SMARCA5: variants seen among roughly 807,000 people sequenced by gnomAD.
SMARCA5 encodes the protein SNF2 related chromatin remodeling ATPase 5.
Under a neutral mutation model 140.4 loss-of-function variants are expected in SMARCA5, and 18 were observed. The ratio of observed to expected loss-of-function variants is 0.13; its 90% CI spans 0.09 to 0.19. The LOEUF (loss-of-function observed/expected upper bound fraction) is 0.19. Among genes scored for constraint, SMARCA5 ranks in the 10% least tolerant of loss-of-function variants. SMARCA5 has a pLI of 1.00. For missense variants in SMARCA5, 606 were observed against 1,276.8 expected (o/e 0.47, Z 8.01); for synonymous variants, 449 against 419.6 (o/e 1.07, Z -0.86).
intron 9 of SMARCA5, among the ~76,000 whole-genome samples, chr4:143,534,429 G>T (rs1431274565): frequency 6.6e-6 from 1 of 152,068 alleles, no homozygotes; most frequent in Non-Finnish European, 1.5e-5. Flanking sequence ...CCCCAAAAAA[G>T]ATAAAAATAA....
chr4:143,530,421 T>C (rs1208614793), intron 8 of SMARCA5, 37 bp from the exon 9 acceptor site: 1 of 1,369,318 alleles, frequency 7.3e-7, no homozygotes, highest in Non-Finnish European at 1.0e-6. Context: ...GTTAATATTA[T>C]CTCTGATCTG....
chr4:143,521,755 A>G (rs1424955644), intron 3 of SMARCA5, among the ~76,000 whole-genome samples, 160 bp downstream of exon 3: 7 of 152,088 alleles, frequency 4.6e-5, no homozygotes, highest in African/African-American at 1.7e-4. Flanking sequence ...ATGTATAAGT[A>G]TATAAAAATA....
At chr4:143,535,091 TTTTC>T in intron 10 of SMARCA5, 127 bp downstream of exon 10, 1 of 640,616 alleles carries the variant, frequency 1.6e-6, no homozygotes, top group Non-Finnish European at 2.6e-6. Flanking sequence ...CTGAAAAGAG[TTTTC>T]TTGTCACGTA....
chr4:143,517,531 C>A, intron 2 of SMARCA5, 102 bp downstream of exon 2: 1 of 639,398 alleles, frequency 1.6e-6, no homozygotes, highest in Non-Finnish European at 2.6e-6. Flanking sequence ...TACAACAATA[C>A]CACAGACTGG....
rs1737611650 is a variant in SMARCA5, at chr4:143,549,992, T to A, written c.2986-5T>A. 1 of 1,523,072 alleles carries A rather than the reference T, an allele frequency of 6.6e-7. No individual in the cohort carries two copies. Among genetic ancestry groups the A allele is most frequent in the Non-Finnish European group, 9.1e-7 (1 of 1,103,214 alleles). The allele number at this position is 1,523,072 out of a possible 1,614,324, so 94.3% of individuals were successfully genotyped here. On this transcript the variant is annotated splice_polypyrimidine_tract_variant and splice_region_variant and intron_variant, in intron 22 of 23. Coordinates refer to ENST00000283131, the MANE Select transcript of SMARCA5 (RefSeq NM_003601.4). Reference sequence around the variant, plus strand: ...GTGCGTGTACCATGTTTGTTTATAATTTAGGAGCTCCAGAGGAGATGTAAT... The same window carrying A: ...GTGCGTGTACCATGTTTGTTTATAAATTAGGAGCTCCAGAGGAGATGTAAT...
chr4:143,539,577 C>T (rs183605964), intron 13 of SMARCA5, among the ~76,000 whole-genome samples: 2 of 147,264 alleles, frequency 1.4e-5, no homozygotes, highest in African/African-American at 5.0e-5. Context: ...GCTCTTACTG[C>T]TCAGGCTGGG....
chr4:143,542,474 T>C (rs1737447623), intron 14 of SMARCA5, among the ~76,000 whole-genome samples: 2 of 152,186 alleles, frequency 1.3e-5, no homozygotes, highest in Non-Finnish European at 2.9e-5. Flanking sequence ...GTAGCAATGG[T>C]AGCATCCAAT....
At chr4:143,552,587 A>G (rs1737665849) in intron 23 of SMARCA5, among the ~76,000 whole-genome samples, 1 of 152,072 alleles carries the variant, frequency 6.6e-6, no homozygotes. Flanking sequence ...ATAATTTTAG[A>G]ATAATTTAAG....
chr4:143,515,950 G>T (rs1736820142), intron 1 of SMARCA5, among the ~76,000 whole-genome samples: 1 of 150,710 alleles, frequency 6.6e-6, no homozygotes. Context: ...TCTTATCACT[G>T]ACACATTTTT....
At chr4:143,533,646 T>C (rs561512434) in intron 9 of SMARCA5, among the ~76,000 whole-genome samples, 1 of 152,132 alleles carries the variant, frequency 6.6e-6, no homozygotes, top group South Asian at 2.1e-4. Context: ...TAGCTGGGAC[T>C]ACAGGTACCT....
rs1737396730 is a variant in SMARCA5 at position 143,539,984 on chromosome 4, A to T, written c.1771-379A>T. ...TAGTTTGACTACTTGTATATAGTTA[A>T]TTGGGTAATATTTAAAGGTTAGAAT... is the stretch of plus-strand genomic sequence containing the variant. On this transcript the variant is annotated intron_variant, in intron 13 of 23. Coordinates refer to ENST00000283131, the MANE Select transcript of SMARCA5 (RefSeq NM_003601.4). 2.0e-5 allele frequency among the ~76,000 whole-genome samples: 3 copies of T among 152,226 alleles called. No homozygotes were observed. The South Asian group carries it at 6.2e-4, about 32-fold the overall frequency.
intron 9 of SMARCA5, among the ~76,000 whole-genome samples, chr4:143,531,718 A>G (rs576690570): frequency 3.5e-4 from 54 of 152,280 alleles, no homozygotes; most frequent in Admixed American, 1.3e-3. Context: ...TTACTTCTTC[A>G]TATATTGAGC....
At chr4:143,521,339 A>G in intron 2 of SMARCA5, 90 bp from the exon 3 acceptor site, 1 of 739,832 alleles carries the variant, frequency 1.4e-6, no homozygotes, top group Non-Finnish European at 2.2e-6. Flanking sequence ...TTTTTTGCTG[A>G]GTTCATTGTA....
rs769249273 is a variant in SMARCA5 at position 143,528,148 on chromosome 4, A to G, written c.957+125A>G. ...AACGTGCAGGTTTGTTAACATAGGTATGCATGTGCCATGGTGGTTTGCTGC... is the reference window on the plus strand; with the variant it reads ...AACGTGCAGGTTTGTTAACATAGGTGTGCATGTGCCATGGTGGTTTGCTGC... On this transcript the variant is annotated intron_variant, in intron 7 of 23. Coordinates refer to ENST00000283131, the MANE Select transcript of SMARCA5 (RefSeq NM_003601.4). The G allele has an allele frequency of 3.9e-4, 261 of 667,658 alleles. 2 individuals carry two copies. The highest frequency in any genetic ancestry group is 6.1e-5 in the Non-Finnish European group (26 of 423,104). 41.4% of individuals were successfully genotyped at this position (667,658 alleles called of 1,614,324 possible).
intron 13 of SMARCA5, among the ~76,000 whole-genome samples, chr4:143,539,786 C>T (rs1014014236): frequency 1.3e-5 from 2 of 152,114 alleles, no homozygotes; most frequent in African/African-American, 4.8e-5. Flanking sequence ...ATCCACCCAC[C>T]TTGGCCTCTG....
At chr4:143,546,605 ATATAATGTGTTGT>A (rs1737530562) in intron 19 of SMARCA5, among the ~76,000 whole-genome samples, 158 bp from the exon 20 acceptor site, 1 of 152,154 alleles carries the variant, frequency 6.6e-6, no homozygotes, top group Non-Finnish European at 1.5e-5. Context: ...TTTGAGCAAT[ATATAATGTGTTGT>A]CAAAAGTGTA....
intron 13 of SMARCA5, among the ~76,000 whole-genome samples, chr4:143,540,061 T>C (rs1737398238): frequency 6.6e-6 from 1 of 152,212 alleles, no homozygotes; most frequent in African/African-American, 2.4e-5. Context: ...CTGATAGCAG[T>C]GACAATTTGG....
intron 1 of SMARCA5, among the ~76,000 whole-genome samples, chr4:143,514,966 A>C (rs988994626): frequency 6.6e-6 from 1 of 152,172 alleles, no homozygotes; most frequent in Non-Finnish European, 1.5e-5. Context: ...AGATGGGGGA[A>C]GCTGCCAGGC....
chr4:143,535,075 C>A, intron 10 of SMARCA5, 111 bp downstream of exon 10: 1 of 715,918 alleles, frequency 1.4e-6, no homozygotes, highest in South Asian at 2.1e-5. Flanking sequence ...CTGGATTGAA[C>A]TCAACCTGAA....
Sources: allele counts gnomAD v4.1 joint callset (sites outside exome capture counted in the v4.1 genomes callset), GRCh38; gene constraint gnomAD v4.1.1; transcripts MANE v1.5; gene names NCBI Gene and HGNC (gene_info 2026-07-23, HGNC 2026-07-21).